Variants in PPM1H observed in about 807,000 individuals in gnomAD.
The protein encoded by PPM1H is protein phosphatase 1H.
In PPM1H, 27 loss-of-function variants were observed where a neutral mutation model predicts 54.9. The ratio of observed to expected loss-of-function variants is 0.49; its 90% CI spans 0.36 to 0.68. PPM1H has a LOEUF of 0.68. Among genes scored for constraint, PPM1H ranks in the 30% least tolerant of loss-of-function variants. PPM1H has a pLI of 0.00. For synonymous variants in PPM1H, 305 were observed against 270.8 expected, an observed-to-expected ratio of 1.13 and a Z score of -1.24; for missense variants, 596 against 667.8, an observed-to-expected ratio of 0.89 and a Z score of 1.19.
intron 3 of PPM1H, among the ~76,000 whole-genome samples, chr12:62,791,719 G>C (rs1199062905): frequency 6.6e-6 from 1 of 152,180 alleles, no homozygotes; most frequent in Non-Finnish European, 1.5e-5. Context: ...TCAGGATTTT[G>C]AGACCAGCCT....
intron 1 of PPM1H, among the ~76,000 whole-genome samples, chr12:62,862,219 G>C (rs942116256): frequency 2.0e-5 from 3 of 152,194 alleles, no homozygotes; most frequent in Admixed American, 6.5e-5. Flanking sequence ...TAGGAAGATG[G>C]AGAAGTCGGG....
At chr12:62,798,814 G>A (rs1400820596) in intron 3 of PPM1H, among the ~76,000 whole-genome samples, 3 of 151,978 alleles carry the variant, frequency 2.0e-5, no homozygotes, top group Non-Finnish European at 4.4e-5. Flanking sequence ...CAGGTTTCCT[G>A]AGCCCCAGGG....
In PPM1H at chr12:62,844,319, T is replaced by C. The variant is rs1474904284; in HGVS notation, c.246-12040A>G. Among the ~76,000 whole-genome samples, 1 of 152,180 alleles carries C rather than the reference T, an allele frequency of 6.6e-6. No homozygotes were observed. Among genetic ancestry groups the C allele is most frequent in the Non-Finnish European group, 1.5e-5 (1 of 68,030 alleles). On this transcript the variant is annotated intron_variant, in intron 1 of 9. Coordinates refer to ENST00000228705, the MANE Select transcript of PPM1H (RefSeq NM_020700.2). The surrounding 1 kb of genome is among the most constrained non-coding windows in gnomAD (Gnocchi z 5.2). ...ATTTGCTTAGTATGGATTACTACATTCCAAGGAAGATTGCTTTAGCATTCC... is the reference window on the plus strand; with the variant it reads ...ATTTGCTTAGTATGGATTACTACATCCCAAGGAAGATTGCTTTAGCATTCC...
intron 1 of PPM1H, among the ~76,000 whole-genome samples, chr12:62,929,141 A>C (rs1052671042): frequency 3.9e-5 from 6 of 152,224 alleles, no homozygotes; most frequent in Middle Eastern, 3.2e-3. Context: ...GAACCTTAAT[A>C]GTCTATTTCA....
chr12:62,670,109 C>T (rs911820309), intron 8 of PPM1H, among the ~76,000 whole-genome samples: 1 of 149,298 alleles, frequency 6.7e-6, no homozygotes, highest in Non-Finnish European at 1.5e-5. Context: ...TCCCTAGTAG[C>T]TGGGATTACA....
chr12:62,815,073 T>C (rs540598437), intron 2 of PPM1H, among the ~76,000 whole-genome samples: 4 of 152,090 alleles, frequency 2.6e-5, no homozygotes, highest in South Asian at 2.1e-4. Flanking sequence ...AATGAGGAGG[T>C]AGAGATGAGA....
rs529492549 is a variant in PPM1H, at chr12:62,821,812, A to C, written c.411+10302T>G. ...GTACCAGCCACTGCAAAAACATGCCAAATTGTAAAGACCTTCGGTGCTAGG... is the reference window on the plus strand; with the variant it reads ...GTACCAGCCACTGCAAAAACATGCCCAATTGTAAAGACCTTCGGTGCTAGG... On this transcript the variant is annotated intron_variant, in intron 2 of 9. Coordinates refer to ENST00000228705, the MANE Select transcript of PPM1H (RefSeq NM_020700.2). Among the ~76,000 whole-genome samples the C allele has an allele frequency of 5.3e-5, 8 of 152,354 alleles. No individual in the cohort carries two copies. In the East Asian group the frequency reaches 9.6e-4, roughly 18 times the overall value.
chr12:62,753,068 T>G (rs1051248081), intron 4 of PPM1H, among the ~76,000 whole-genome samples: 1 of 152,192 alleles, frequency 6.6e-6, no homozygotes, highest in Non-Finnish European at 1.5e-5. Flanking sequence ...TGAATAGTCA[T>G]GTCTATATGC....
chr12:62,836,356 A>G (rs1377426403), intron 1 of PPM1H, among the ~76,000 whole-genome samples: 1 of 152,244 alleles, frequency 6.6e-6, no homozygotes, highest in Non-Finnish European at 1.5e-5. Context: ...TCTGACAGAA[A>G]TCAACTCTGC....
intron 2 of PPM1H, among the ~76,000 whole-genome samples, chr12:62,831,611 C>G (rs906604666): frequency 5.9e-5 from 9 of 151,670 alleles, no homozygotes; most frequent in African/African-American, 2.2e-4. Context: ...AAAGCAACAG[C>G]CAGAGTTACT....
intron 2 of PPM1H, among the ~76,000 whole-genome samples, chr12:62,818,255 CTCT>C (rs1381734046): frequency 6.6e-6 from 1 of 152,188 alleles, no homozygotes; most frequent in African/African-American, 2.4e-5. Context: ...TACCCTCCTC[CTCT>C]TATCTCATTC....
At chr12:62,739,072 A>G (rs979100373) in intron 4 of PPM1H, among the ~76,000 whole-genome samples, 2 of 148,682 alleles carry the variant, frequency 1.3e-5, no homozygotes, top group Admixed American at 1.4e-4. Flanking sequence ...AGAACTTATG[A>G]CTCTAGGAAA....
rs186988475 is a variant in PPM1H, at chr12:62,890,188, C to T, written c.245+44304G>A. ...AAAAAGTGTTCCAGGTTGGACATGCCGGTGGCTCATGCCTGTAATCCCAGC... is the reference window on the plus strand; with the variant it reads ...AAAAAGTGTTCCAGGTTGGACATGCTGGTGGCTCATGCCTGTAATCCCAGC... On this transcript the variant is annotated intron_variant, in intron 1 of 9. Transcript: ENST00000228705. 1.8e-4 allele frequency among the ~76,000 whole-genome samples: 27 copies of T among 152,232 alleles called. 1 individual carries two copies. The highest frequency in any genetic ancestry group is 4.1e-4 in the African/African-American group (17 of 41,556).
rs2075924459 is a variant in PPM1H, at chr12:62,667,246, T to C, written c.1329A>G (p.Leu443=). Residue 443 remains leucine, a synonymous_variant, in exon 9 of 10, where the codon TTA becomes TTG. Coordinates refer to ENST00000228705, the MANE Select transcript of PPM1H (RefSeq NM_020700.2). ...TTGCTTCTGCTACTTCTTCATTTGA[T>C]AAAACGTCCCAGAGTCCATCAGTGG... ...ILATDGLWDV[L]SNEEVAEAIT... is the part of the protein sequence containing the mutation. 9 of 1,600,286 alleles carry C rather than the reference T, an allele frequency of 5.6e-6. No individual in the cohort carries two copies. Among genetic ancestry groups the C allele is most frequent in the Admixed American group, 1.7e-5 (1 of 59,982 alleles).
At chr12:62,689,900 T>C (rs2076073995) in intron 7 of PPM1H, 94 bp from the exon 8 acceptor site, 1 of 811,880 alleles carries the variant, frequency 1.2e-6, no homozygotes, top group Non-Finnish European at 2.0e-6. Flanking sequence ...ACCAAACAAT[T>C]TTCCAGTTCC....
chr12:62,890,295 T>G (rs898703403), intron 1 of PPM1H, among the ~76,000 whole-genome samples: 1 of 152,052 alleles, frequency 6.6e-6, no homozygotes, highest in Non-Finnish European at 1.5e-5. Flanking sequence ...AACCCCATCT[T>G]ACAAACAAAA....
intron 2 of PPM1H, among the ~76,000 whole-genome samples, 195 bp downstream of exon 2, chr12:62,831,919 A>C (rs1026457801): frequency 2.0e-5 from 3 of 151,932 alleles, no homozygotes; most frequent in Admixed American, 1.3e-4. Flanking sequence ...ACCTAACCAC[A>C]AGCTGGTCAT....
intron 3 of PPM1H, among the ~76,000 whole-genome samples, chr12:62,791,956 G>A (rs1199436085): frequency 6.6e-6 from 1 of 152,140 alleles, no homozygotes; most frequent in East Asian, 1.9e-4. Context: ...CCTACTGCTT[G>A]TATACTGTCT....
rs182950525 is a variant in PPM1H, at chr12:62,646,584, C to T, written c.*1905G>A. On this transcript the variant is annotated 3_prime_UTR_variant, in exon 10 of 10. Coordinates refer to ENST00000228705, the MANE Select transcript of PPM1H (RefSeq NM_020700.2). ...ACTCTGCCACGAAGCAAAGCATTTT[C>T]CACAAACTTCTCTCCATAGAGATAT... 1.3e-5 allele frequency: 2 copies of T among 152,398 alleles called. No individual in the cohort carries two copies. Among genetic ancestry groups the T allele is most frequent in the East Asian group, 3.9e-4 (2 of 5,180 alleles). 9.4% of individuals were successfully genotyped at this position (152,398 alleles called of 1,614,324 possible).
Sources: allele counts gnomAD v4.1 joint callset (sites outside exome capture counted in the v4.1 genomes callset), GRCh38; gene constraint gnomAD v4.1.1; non-coding constraint Gnocchi (gnomAD v3.1); transcripts MANE v1.5; gene names NCBI Gene and HGNC (gene_info 2026-07-23, HGNC 2026-07-21).